Variants in RNF14 observed in about 807,000 individuals in gnomAD.
The protein encoded by RNF14 is ring finger protein 14, also known as E3 ubiquitin-protein ligase RNF14.
A neutral mutation model predicts 52.6 loss-of-function variants in RNF14; 26 were observed. That is an observed-to-expected ratio of 0.49 (90% CI 0.36 to 0.69). RNF14 has a LOEUF of 0.69. Ranked by LOEUF, RNF14 falls within the 30% of genes least tolerant of loss-of-function variation. The pLI is 0.00. For missense variants in RNF14, 404 were observed against 560.4 expected, an observed-to-expected ratio of 0.72 and a Z score of 2.82; for synonymous variants, 194 against 202.0, an observed-to-expected ratio of 0.96 and a Z score of 0.34.
chr5:141,980,084 G>A (rs1451683095), intron 5 of RNF14, 39 bp from the exon 6 acceptor site: 3 of 1,543,466 alleles, frequency 1.9e-6, no homozygotes, highest in Non-Finnish European at 9.0e-7. Context: ...AACTGGTTGT[G>A]GAATCATCAA....
At chr5:141,957,808 C>T, upstream of RNF14, 7 of 1,603,206 alleles carry the variant, frequency 4.4e-6, no homozygotes, top group Non-Finnish European at 5.9e-6. This position sits in a 1 kb window ranked among gnomAD's most constrained non-coding sequence, Gnocchi z 4.3. Context: ...TAAGTAGCCA[C>T]CTGGCCCCAA....
In RNF14 at chr5:141,978,698, C is replaced by T. The variant is rs146606807; in HGVS notation, c.702C>T (p.Tyr234=). 4.0e-4 allele frequency: 649 copies of T among 1,614,018 alleles called. 2 individuals carry two copies. The African/African-American group carries it at 7.6e-3, about 19-fold the overall frequency. The part of the protein sequence containing the change: ...FCEKLGSECM[Y]FLECRHVYCK... Reference sequence around the variant, plus strand: ...AGAAGCTGGGTAGTGAATGCATGTACTTCTTGGAGTGCAGGCATGTGTACT... The same window carrying T: ...AGAAGCTGGGTAGTGAATGCATGTATTTCTTGGAGTGCAGGCATGTGTACT... Residue 234 remains tyrosine (Y), a synonymous_variant, in exon 5 of 9, where the codon TAC becomes TAT. Coordinates refer to ENST00000394520, the MANE Select transcript of RNF14 (RefSeq NM_004290.5).
chr5:141,987,687 T>A (rs1338793296), intron 8 of RNF14, 46 bp from the exon 9 acceptor site: 1 of 1,574,428 alleles, frequency 6.4e-7, no homozygotes, highest in East Asian at 2.2e-5. Context: ...CAATTTATAT[T>A]GTTTCGTTCA....
chr5:141,972,822 T>C (rs252130), intron 2 of RNF14, among the ~76,000 whole-genome samples: 134,040 of 152,144 alleles, frequency 0.88, 59,277 homozygotes, highest in East Asian at 0.98. Context: ...AACTCCTGAC[T>C]GCAGGTGATT....
the RNF14 span, chr5:141,951,597 G>A: frequency 1.2e-6 from 2 of 1,610,770 alleles, no homozygotes; most frequent in Admixed American, 1.7e-5. Flanking sequence ...TTTGCTACAA[G>A]ACAGGAAAAA....
chr5:141,955,050 G>A, upstream of RNF14: 1 of 1,614,218 alleles, frequency 6.2e-7, no homozygotes, highest in Non-Finnish European at 8.5e-7. This position sits in a 1 kb window ranked among gnomAD's most constrained non-coding sequence, Gnocchi z 5.5. Context: ...GCCGGACCAG[G>A]CTCCGCAGGA....
At chr5:141,971,936 C>T (rs1051374514) in intron 2 of RNF14, among the ~76,000 whole-genome samples, 1 of 152,178 alleles carries the variant, frequency 6.6e-6, no homozygotes, top group Non-Finnish European at 1.5e-5. Context: ...ACTTGAGCCA[C>T]TGTGCCTGGG....
Position 141,988,048 on chromosome 5 carries a change from C to T in RNF14, c.*258C>T, listed in dbSNP as rs535375964. On this transcript the variant is annotated 3_prime_UTR_variant, in exon 9 of 9. Coordinates refer to ENST00000394520, the MANE Select transcript of RNF14 (RefSeq NM_004290.5). The stretch of plus-strand genomic sequence containing the variant: ...CAGAATATTAAATATTATAATGTGC[C>T]CAAAGCTCTGAATAGTTAAAAATTA... The T allele has an allele frequency of 9.2e-6, 4 of 437,062 alleles. No individual in the cohort carries two copies. The highest frequency in any genetic ancestry group is 3.6e-5 in the South Asian group (1 of 27,398). The allele number at this position is 437,062 out of a possible 1,614,324, so 27.1% of individuals were successfully genotyped here. A position where few individuals can be genotyped will look rare whatever the true frequency, so the allele number is the denominator to read the frequency against.
intron 3 of RNF14, 45 bp downstream of exon 3, chr5:141,973,787 T>A: frequency 6.7e-7 from 1 of 1,492,530 alleles, no homozygotes; most frequent in East Asian, 2.3e-5. Flanking sequence ...TATTCTTTAT[T>A]TCTTAGTGTA....
chr5:141,976,103 A>T (rs1754223725), intron 4 of RNF14, among the ~76,000 whole-genome samples: 5 of 152,242 alleles, frequency 3.3e-5, no homozygotes, highest in Admixed American at 1.3e-4. Flanking sequence ...ATTAAACCTT[A>T]AAAAGGATAA....
intron 2 of RNF14, among the ~76,000 whole-genome samples, chr5:141,971,625 TTCTTTCTTTCC>T (rs1753786381): frequency 7.4e-6 from 1 of 134,836 alleles, no homozygotes; most frequent in African/African-American, 2.8e-5. Flanking sequence ...TCTTTCTTCT[TTCTTTCTTTCC>T]TTTTTTTTTT....
chr5:141,970,471 C>T (rs1385873951), intron 1 of RNF14, among the ~76,000 whole-genome samples: 1 of 151,992 alleles, frequency 6.6e-6, no homozygotes, highest in Non-Finnish European at 1.5e-5. Flanking sequence ...TCCTCCTTAG[C>T]TCCTCCCATA....
intron 4 of RNF14, among the ~76,000 whole-genome samples, chr5:141,977,712 G>C (rs1016338310): frequency 3.3e-5 from 5 of 152,184 alleles, no homozygotes; most frequent in African/African-American, 1.2e-4. Flanking sequence ...TATAAGCCCA[G>C]ATTGCTTACT....
intron 4 of RNF14, among the ~76,000 whole-genome samples, chr5:141,976,450 T>C (rs1046308566): frequency 1.3e-5 from 2 of 152,214 alleles, no homozygotes; most frequent in African/African-American, 4.8e-5. Context: ...AAGAGAGTTG[T>C]TTTATGTGTT....
upstream of RNF14, chr5:141,957,741 T>C (rs1424426061): frequency 6.2e-7 from 1 of 1,613,516 alleles, no homozygotes; most frequent in Admixed American, 1.7e-5. The surrounding 1 kb of genome is among the most constrained non-coding windows in gnomAD (Gnocchi z 4.3). Context: ...GCACTTCCTC[T>C]GACACTTGGT....
At chr5:141,958,804 G>A (rs1753227838) in intron 1 of RNF14, 2 of 152,298 alleles carry the variant, frequency 1.3e-5, no homozygotes, top group African/African-American at 4.8e-5. Context: ...CCTTTCAGCA[G>A]GAAACTGTGA....
chr5:141,972,220 G>A (rs1753842677), intron 2 of RNF14, among the ~76,000 whole-genome samples: 1 of 134,586 alleles, frequency 7.4e-6, no homozygotes, highest in African/African-American at 2.9e-5. Flanking sequence ...CCCAGGACCT[G>A]GCGCTATTTG....
intron 4 of RNF14, among the ~76,000 whole-genome samples, 200 bp from the exon 5 acceptor site, chr5:141,978,103 C>T (rs1210498134): frequency 1.3e-5 from 2 of 152,198 alleles, no homozygotes; most frequent in Non-Finnish European, 2.9e-5. Flanking sequence ...TACTCTGGCT[C>T]ATGTTGCCGA....
chr5:141,960,379 G>A (rs1753259268), intron 1 of RNF14, among the ~76,000 whole-genome samples: 1 of 152,238 alleles, frequency 6.6e-6, no homozygotes, highest in Non-Finnish European at 1.5e-5. Flanking sequence ...ACCTGGAGGA[G>A]TGAGCCCGAG....
Sources: allele counts gnomAD v4.1 joint callset (sites outside exome capture counted in the v4.1 genomes callset), GRCh38; gene constraint gnomAD v4.1.1; non-coding constraint Gnocchi (gnomAD v3.1); transcripts MANE v1.5; gene names NCBI Gene and HGNC (gene_info 2026-07-23, HGNC 2026-07-21).